CACNA1A: variants seen among roughly 807,000 people sequenced by gnomAD.
CACNA1A encodes calcium voltage-gated channel subunit alpha1 A, also known as voltage-dependent P/Q-type calcium channel subunit alpha-1A.
CACNA1A carries 57 observed loss-of-function variants against 262.4 expected under a neutral mutation model. That is an observed-to-expected ratio of 0.22 (90% CI 0.18 to 0.27). The LOEUF (loss-of-function observed/expected upper bound fraction) is 0.27, where lower values mean the gene tolerates loss of function less well. Among genes scored for constraint, CACNA1A ranks in the 10% least tolerant of loss-of-function variants. CACNA1A has a pLI of 1.00. For missense variants in CACNA1A, 2,526 were observed against 3,562.8 expected (o/e 0.71, Z 7.41); for synonymous variants, 1,431 against 1,419.3 (o/e 1.01, Z -0.18).
chr19:13,406,762 A>C (rs568855342), intron 3 of CACNA1A, among the ~76,000 whole-genome samples: 3 of 151,488 alleles, frequency 2.0e-5, no homozygotes, highest in Non-Finnish European at 4.4e-5. Flanking sequence ...CTTCAGCCAG[A>C]GTCATCCTTC....
At chr19:13,431,468 C>T (rs561346540) in intron 3 of CACNA1A, among the ~76,000 whole-genome samples, 4 of 151,998 alleles carry the variant, frequency 2.6e-5, no homozygotes, top group East Asian at 1.9e-4. Context: ...GGGTTAAAGC[C>T]GCCTTTACCT....
intron 1 of CACNA1A, among the ~76,000 whole-genome samples, chr19:13,480,709 A>AT (rs1979186581): frequency 6.6e-6 from 1 of 152,132 alleles, no homozygotes; most frequent in African/African-American, 2.4e-5. Flanking sequence ...TTACACACAC[A>AT]TTTTTGACTG....
chr19:13,453,868 T>C (rs866177983), intron 2 of CACNA1A, among the ~76,000 whole-genome samples: 2 of 152,170 alleles, frequency 1.3e-5, no homozygotes, highest in Non-Finnish European at 2.9e-5. Flanking sequence ...AGTCTTTCAA[T>C]GGACGCTTTT....
intron 25 of CACNA1A, 53 bp downstream of exon 25, chr19:13,262,681 C>T: frequency 1.8e-6 from 2 of 1,113,298 alleles, no homozygotes; most frequent in Non-Finnish European, 2.7e-6. Flanking sequence ...CTCAGCTGTA[C>T]ATGATAACCC....
chr19:13,330,582 C>T (rs1330465469), intron 9 of CACNA1A, among the ~76,000 whole-genome samples: 1 of 139,158 alleles, frequency 7.2e-6, no homozygotes, highest in African/African-American at 2.8e-5. Flanking sequence ...CACTATTTTC[C>T]TTCTGGTTTA....
At chr19:13,230,003 C>CTGGGGCCTGACCTAGCCCG in intron 36 of CACNA1A, 79 bp downstream of exon 36, 1 of 1,526,834 alleles carries the variant, frequency 6.5e-7, no homozygotes, top group Non-Finnish European at 8.9e-7. Flanking sequence ...GCTCCAGAGT[C>CTGGGGCCTGACCTAGCCCG]TGGGGCCTGA....
chr19:13,282,719 T>C (rs115109145), intron 22 of CACNA1A, among the ~76,000 whole-genome samples: 1,861 of 152,106 alleles, frequency 0.012, 44 homozygotes, highest in African/African-American at 0.043. Flanking sequence ...TTGTGAGGAT[T>C]AAATGAGATA....
chr19:13,280,914 C>A (rs1333940829), intron 22 of CACNA1A, among the ~76,000 whole-genome samples: 1 of 133,044 alleles, frequency 7.5e-6, no homozygotes, highest in African/African-American at 2.8e-5. Flanking sequence ...GCACTCCAGC[C>A]TGGGTGACAG....
At position 13,465,874 on chromosome 19, in the gene CACNA1A, A is replaced by G. The variant is rs554615787; in HGVS notation, c.294-10662T>C. Among the ~76,000 whole-genome samples the G allele has an allele frequency of 2.6e-5, 4 of 152,322 alleles. No individual in the cohort carries two copies. In the South Asian group the frequency reaches 6.2e-4, roughly 24 times the overall value. ...AGGCAGACTAATATCTGAGGAAGGC[A>G]TATCACACTTGGTTTATCTGTTCAT... On this transcript the variant is annotated intron_variant, in intron 1 of 46. Coordinates refer to ENST00000360228, the MANE Select transcript of CACNA1A (RefSeq NM_001127222.2).
At chr19:13,495,327 C>A (rs971118948) in intron 1 of CACNA1A, among the ~76,000 whole-genome samples, 2 of 152,036 alleles carry the variant, frequency 1.3e-5, no homozygotes, top group African/African-American at 4.8e-5. Flanking sequence ...GATGGAGTCT[C>A]GTTCTGTCGC....
chr19:13,485,069 G>C (rs943227066), intron 1 of CACNA1A, among the ~76,000 whole-genome samples: 1 of 152,124 alleles, frequency 6.6e-6, no homozygotes, highest in Non-Finnish European at 1.5e-5. Context: ...GGCTTCAAAG[G>C]TTGAGTATAA....
intron 2 of CACNA1A, among the ~76,000 whole-genome samples, chr19:13,453,317 T>A (rs138783148): frequency 9.8e-5 from 15 of 152,336 alleles, no homozygotes; most frequent in Admixed American, 7.2e-4. Context: ...ACAGGCCACA[T>A]GTGGCTATTT....
intron 3 of CACNA1A, among the ~76,000 whole-genome samples, chr19:13,421,106 T>C (rs1322495479): frequency 2.0e-5 from 3 of 152,138 alleles, no homozygotes; most frequent in Non-Finnish European, 4.4e-5. Flanking sequence ...TAAGTTTTGA[T>C]TGTGCAAATG....
intron 30 of CACNA1A, among the ~76,000 whole-genome samples, chr19:13,246,864 G>A (rs1429333470): frequency 6.6e-6 from 1 of 151,894 alleles, no homozygotes; most frequent in Non-Finnish European, 1.5e-5. Context: ...CTGACGTTGT[G>A]ATCCATCCGC....
intron 24 of CACNA1A, chr19:13,272,629 TA>T (rs796119167): frequency 7.2e-6 from 1 of 139,346 alleles, no homozygotes; most frequent in South Asian, 2.3e-4. Flanking sequence ...AAGAGGAAAA[TA>T]AAAAGATAGA....
rs1477178127 is a variant in CACNA1A at position 13,227,510 on chromosome 19, A to G, written c.5546T>C (p.Leu1849Pro). Residue 1849 changes from leucine (L) to proline (P), a missense_variant, in exon 37 of 47, where the codon CTG becomes CCG. Transcript: ENST00000360228. ...DPAAWGRMPY[L>P]DMYQMLRHMS... ...GTGTCTCAGCATCTGATACATGTCC[A>G]GGTAAGGCATGCGGCCCCTGGCAGC... is the stretch of plus-strand genomic sequence containing the variant. 12 of 1,592,692 alleles carry G rather than the reference A, an allele frequency of 7.5e-6. No homozygotes were observed. Among genetic ancestry groups the G allele is most frequent in the Non-Finnish European group, 9.4e-6 (11 of 1,168,086 alleles).
In CACNA1A at chr19:13,303,809, C is replaced by A. The variant is rs762530372; in HGVS notation, c.2062G>T (p.Val688Leu). 3 of 1,613,512 alleles carry A rather than the reference C, an allele frequency of 1.9e-6. No homozygotes were observed. In the African/African-American group the frequency reaches 4.0e-5, roughly 22 times the overall value. ...AGTACAATGAAATAGATGGAGAACA[C>A]CATGCCGCCCTGCACGCCCCCCTGA... ...KSQGGVQGGM[V>L]FSIYFIVLTL... Residue 688 changes from valine (V) to leucine (L), a missense_variant, in exon 16 of 47, where the codon GTG becomes TTG. Val to Leu is a conservative substitution (Grantham distance 32). Around this residue, in one of 17 missense-constraint regions of CACNA1A, gnomAD observed 102 missense variants for 278.9 expected, o/e 0.37. Coordinates refer to ENST00000360228, the MANE Select transcript of CACNA1A (RefSeq NM_001127222.2).
At chr19:13,249,918 ACT>A (rs2056351273) in intron 30 of CACNA1A, among the ~76,000 whole-genome samples, 1 of 152,062 alleles carries the variant, frequency 6.6e-6, no homozygotes, top group Non-Finnish European at 1.5e-5. Context: ...ACTGTAGGTC[ACT>A]CTCTTCAAAG....
At chr19:13,498,553 G>A (rs1158761518) in intron 1 of CACNA1A, among the ~76,000 whole-genome samples, 1 of 152,108 alleles carries the variant, frequency 6.6e-6, no homozygotes, top group Non-Finnish European at 1.5e-5. Flanking sequence ...CTTTAAGGAA[G>A]ACTCACGGCT....
Sources: gnomAD v4.1 joint callset for allele counts (sites outside exome capture counted in the v4.1 genomes callset) on GRCh38, gnomAD v4.1.1 for gene constraint, gnomAD v4.1.1 regional missense constraint, MANE v1.5 for transcripts, NCBI Gene and HGNC (gene_info 2026-07-23, HGNC 2026-07-21) for gene names.